Variants in FOXN3 observed in about 807,000 individuals in gnomAD.
The protein encoded by FOXN3 is forkhead box protein N3.
Under a neutral mutation model 38.4 loss-of-function variants are expected in FOXN3, and 7 were observed. That is an observed-to-expected ratio of 0.18 (90% confidence interval 0.10 to 0.34). FOXN3 has a LOEUF of 0.34. FOXN3 is among the 10% of genes least tolerant of loss of function. The probability of loss-of-function intolerance (pLI) is 1.00; values close to 1 mark genes in which losing one functional copy is unlikely to be tolerated. For missense variants in FOXN3, 456 were observed against 613.4 expected (o/e 0.74, Z 2.71); for synonymous variants, 230 against 242.2 (o/e 0.95, Z 0.47).
At chr14:89,269,313 A>G (rs1886074906) in intron 4 of FOXN3, among the ~76,000 whole-genome samples, 1 of 152,148 alleles carries the variant, frequency 6.6e-6, no homozygotes, top group African/African-American at 2.4e-5. Context: ...ATGACTTTGT[A>G]AAGTTCCGTA....
intron 4 of FOXN3, among the ~76,000 whole-genome samples, chr14:89,273,989 G>T (rs1886227852): frequency 6.6e-6 from 1 of 152,168 alleles, no homozygotes; most frequent in South Asian, 2.1e-4. Flanking sequence ...CTGAGGGTGA[G>T]AATCAGGAGA....
intron 3 of FOXN3, among the ~76,000 whole-genome samples, chr14:89,320,595 T>C (rs1178152111): frequency 6.6e-6 from 1 of 152,220 alleles, no homozygotes; most frequent in Non-Finnish European, 1.5e-5. Flanking sequence ...GACTCAAGTA[T>C]TATCAGCAGT....
intron 1 of FOXN3, among the ~76,000 whole-genome samples, chr14:89,431,382 T>C (rs942617395): frequency 1.3e-5 from 2 of 151,984 alleles, no homozygotes; most frequent in Admixed American, 6.6e-5. Flanking sequence ...GGCTAATTTT[T>C]GTATTTTTGG....
intron 2 of FOXN3, among the ~76,000 whole-genome samples, chr14:89,352,929 C>T (rs1255512231): frequency 1.3e-5 from 2 of 152,124 alleles, no homozygotes; most frequent in Admixed American, 1.3e-4. Flanking sequence ...CCAGAAGCTG[C>T]AGCGAGCGGA....
rs527767316 is a variant in FOXN3, at chr14:89,465,080, T to C, written c.-14-52590A>G. Among the ~76,000 whole-genome samples, 3 of 152,312 alleles carry C rather than the reference T, an allele frequency of 2.0e-5. No individual in the cohort carries two copies. The South Asian group carries it at 6.2e-4, about 32-fold the overall frequency. On this transcript the variant is annotated intron_variant, in intron 1 of 6. Transcript: ENST00000345097. Reference sequence around the variant, plus strand: ...GGGCCTTTTTGCTCAGGACTTCTCCTTGCAGCCGCCACGTGAAGAAGGATG... The same window carrying C: ...GGGCCTTTTTGCTCAGGACTTCTCCCTGCAGCCGCCACGTGAAGAAGGATG...
At chr14:89,192,119 C>A (rs1425547292) in intron 4 of FOXN3, among the ~76,000 whole-genome samples, 3 of 144,350 alleles carry the variant, frequency 2.1e-5, no homozygotes, top group African/African-American at 7.7e-5. Context: ...TTGGCAACTC[C>A]AGGGGTGAAA....
intron 1 of FOXN3, among the ~76,000 whole-genome samples, chr14:89,442,208 G>A (rs1892401849): frequency 6.6e-6 from 1 of 152,102 alleles, no homozygotes; most frequent in Admixed American, 6.5e-5. Context: ...TTACAGCCGT[G>A]AGCCACCGCG....
chr14:89,536,552 C>T (rs183549054), intron 1 of FOXN3, among the ~76,000 whole-genome samples: 1 of 152,082 alleles, frequency 6.6e-6, no homozygotes, highest in South Asian at 2.1e-4. Flanking sequence ...GAGGCCGAGG[C>T]GGGCGGATCA....
chr14:89,613,560 C>CA (rs1896437638), intron 1 of FOXN3, among the ~76,000 whole-genome samples: 1 of 152,178 alleles, frequency 6.6e-6, no homozygotes, highest in Non-Finnish European at 1.5e-5. Flanking sequence ...TCATCGTTAC[C>CA]ACAGCCAACT....
intron 1 of FOXN3, among the ~76,000 whole-genome samples, chr14:89,531,359 A>G (rs1319176534): frequency 6.6e-6 from 1 of 152,158 alleles, no homozygotes; most frequent in Non-Finnish European, 1.5e-5. Context: ...TAATAAATAC[A>G]TATATCATTG....
intron 4 of FOXN3, among the ~76,000 whole-genome samples, chr14:89,221,909 A>G (rs1268233506): frequency 1.3e-5 from 2 of 149,180 alleles, no homozygotes; most frequent in African/African-American, 2.5e-5. Context: ...TGCAAGCTCC[A>G]CCTCCCGGGT....
At chr14:89,333,778 A>G (rs1394375042) in intron 3 of FOXN3, among the ~76,000 whole-genome samples, 1 of 141,732 alleles carries the variant, frequency 7.1e-6, no homozygotes, top group African/African-American at 2.7e-5. Context: ...AAAAAAAAAC[A>G]GAACCCCCAT....
chr14:89,360,195 T>C (rs899686214), intron 2 of FOXN3, among the ~76,000 whole-genome samples: 5 of 151,772 alleles, frequency 3.3e-5, no homozygotes, highest in African/African-American at 1.2e-4. Context: ...CAAAACTGCC[T>C]CCTCCTCTGG....
chr14:89,435,373 T>C (rs1196381291), intron 1 of FOXN3, among the ~76,000 whole-genome samples: 1 of 131,344 alleles, frequency 7.6e-6, no homozygotes, highest in South Asian at 2.4e-4. Context: ...CCCTGTCTCT[T>C]AAAAAAAAAA....
chr14:89,400,386 A>G (rs929245631), intron 2 of FOXN3, among the ~76,000 whole-genome samples: 4 of 152,152 alleles, frequency 2.6e-5, no homozygotes, highest in Admixed American at 2.6e-4. Context: ...CTCCACCCGA[A>G]TGTCTCCACA....
At chr14:89,277,290 T>A (rs1027895891) in intron 4 of FOXN3, among the ~76,000 whole-genome samples, 2 of 152,166 alleles carry the variant, frequency 1.3e-5, no homozygotes, top group Non-Finnish European at 2.9e-5. Flanking sequence ...ACCTGTCAGC[T>A]GGCCACGCCT....
chr14:89,500,955 T>G (rs888922848), intron 1 of FOXN3, among the ~76,000 whole-genome samples: 1 of 152,254 alleles, frequency 6.6e-6, no homozygotes, highest in Non-Finnish European at 1.5e-5. Context: ...TTGCTTTAAA[T>G]GTCTCCTGTT....
chr14:89,615,772 A>G (rs545182173), intron 1 of FOXN3, among the ~76,000 whole-genome samples: 6 of 152,252 alleles, frequency 3.9e-5, no homozygotes, highest in Non-Finnish European at 8.8e-5. Context: ...GTGATTTAGC[A>G]TATATTTCAT....
intron 4 of FOXN3, among the ~76,000 whole-genome samples, chr14:89,256,163 A>T (rs1003300184): frequency 6.6e-6 from 1 of 152,188 alleles, no homozygotes; most frequent in African/African-American, 2.4e-5. Flanking sequence ...TGTCCCCTCA[A>T]GGACACCTGT....
Sources: allele counts gnomAD v4.1 joint callset (sites outside exome capture counted in the v4.1 genomes callset), GRCh38; gene constraint gnomAD v4.1.1; transcripts MANE v1.5; gene names NCBI Gene and HGNC (gene_info 2026-07-23, HGNC 2026-07-21).